PRRC1: variants seen among roughly 807,000 people sequenced by gnomAD.
PRRC1 encodes the protein protein PRRC1.
In PRRC1, 39 loss-of-function variants were observed where a neutral mutation model predicts 40.7. The observed-to-expected ratio is 0.96, with a 90% CI of 0.74 to 1.25. PRRC1 has a LOEUF of 1.25. Among genes scored for constraint, PRRC1 ranks in the 50% most tolerant of loss-of-function variants. The probability of loss-of-function intolerance (pLI) is 0.00; values close to 1 mark genes in which losing one functional copy is unlikely to be tolerated. For synonymous variants in PRRC1, 175 were observed against 193.3 expected (o/e 0.91, Z 0.79); for missense variants, 573 against 548.3 (o/e 1.05, Z -0.45).
intron 7 of PRRC1, among the ~76,000 whole-genome samples, chr5:127,547,491 T>G (rs961962287): frequency 3.3e-5 from 5 of 152,134 alleles, no homozygotes; most frequent in Admixed American, 2.6e-4. Flanking sequence ...ATAAGCTGTT[T>G]GCATATTCAA....
intron 1 of PRRC1, among the ~76,000 whole-genome samples, chr5:127,521,390 CT>C (rs141944740): frequency 0.05 from 7,547 of 152,254 alleles, 244 homozygotes; most frequent in Non-Finnish European, 0.073. Context: ...CCCCTGCTCT[CT>C]TTAAAATAGC....
intron 1 of PRRC1, among the ~76,000 whole-genome samples, chr5:127,521,157 C>T (rs1767448946): frequency 6.6e-6 from 1 of 152,138 alleles, no homozygotes; most frequent in African/African-American, 2.4e-5. Context: ...CTTTGTTCTT[C>T]ATTTTAAAGT....
rs775748496 is a variant in PRRC1, at chr5:127,551,967, T to C, written c.*51T>C. On this transcript the variant is annotated 3_prime_UTR_variant, in exon 9 of 9. Coordinates refer to ENST00000296666, the MANE Select transcript of PRRC1 (RefSeq NM_130809.5). Reference sequence around the variant, plus strand: ...ACTTTCCCCCACTTTTAGCTTGATGTTAAAGAAGTGGTTGTACCTTCCTAA... The same window carrying C: ...ACTTTCCCCCACTTTTAGCTTGATGCTAAAGAAGTGGTTGTACCTTCCTAA... The C allele has an allele frequency of 5.6e-6, 9 of 1,609,490 alleles. No homozygotes were observed. Among genetic ancestry groups the C allele is most frequent in the Non-Finnish European group, 8.5e-7 (1 of 1,177,444 alleles).
rs1436700737 is a variant in PRRC1 at position 127,552,893 on chromosome 5, T to C, written c.*977T>C. 7 of 957,600 alleles carry C rather than the reference T, an allele frequency of 7.3e-6. No homozygotes were observed. Among genetic ancestry groups the C allele is most frequent in the Non-Finnish European group, 8.7e-6 (7 of 804,658 alleles). 59.3% of individuals were successfully genotyped at this position (957,600 alleles called of 1,614,324 possible). A position where few individuals can be genotyped will look rare whatever the true frequency, so the allele number is the denominator to read the frequency against. On this transcript the variant is annotated 3_prime_UTR_variant, in exon 9 of 9. Coordinates refer to ENST00000296666, the MANE Select transcript of PRRC1 (RefSeq NM_130809.5). ...TTTTTTAACTTTGTGCCATTTGGTC[T>C]TTACTTTTTATGGATGTTTTCAAAG...
At chr5:127,545,120 T>G (rs984799118) in intron 7 of PRRC1, among the ~76,000 whole-genome samples, 1 of 151,898 alleles carries the variant, frequency 6.6e-6, no homozygotes, top group Non-Finnish European at 1.5e-5. Context: ...TGGCAATCAT[T>G]AAAAAGTCAG....
At chr5:127,527,718 A>C (rs1347472803) in intron 4 of PRRC1, among the ~76,000 whole-genome samples, 3 of 146,726 alleles carry the variant, frequency 2.0e-5, no homozygotes, top group Non-Finnish European at 4.5e-5. Flanking sequence ...TGATCATGAT[A>C]CTACATTCCA....
intron 4 of PRRC1, among the ~76,000 whole-genome samples, chr5:127,528,008 A>G (rs1420711679): frequency 6.6e-6 from 1 of 152,134 alleles, no homozygotes; most frequent in Non-Finnish European, 1.5e-5. Context: ...ATAATACCAC[A>G]TTTTAATTTG....
At position 127,552,243 on chromosome 5, in the gene PRRC1, G is replaced by C; in HGVS notation, c.*327G>C. ...ACATTTAACTTAATGCCATGTACTTGATTATTTTGTTCTTTAAAGAAGACA... is the reference window on the plus strand; with the variant it reads ...ACATTTAACTTAATGCCATGTACTTCATTATTTTGTTCTTTAAAGAAGACA... On this transcript the variant is annotated 3_prime_UTR_variant, in exon 9 of 9. Coordinates refer to ENST00000296666, the MANE Select transcript of PRRC1 (RefSeq NM_130809.5). The C allele has an allele frequency of 9.4e-7, 1 of 1,065,936 alleles. No individual in the cohort carries two copies. Among genetic ancestry groups the C allele is most frequent in the Non-Finnish European group, 1.1e-6 (1 of 878,992 alleles). The allele number at this position is 1,065,936 out of a possible 1,614,324, so 66.0% of individuals were successfully genotyped here. A position where few individuals can be genotyped will look rare whatever the true frequency, so the allele number is the denominator to read the frequency against.
intron 7 of PRRC1, among the ~76,000 whole-genome samples, chr5:127,545,114 A>G (rs953236382): frequency 2.6e-5 from 4 of 152,076 alleles, no homozygotes; most frequent in African/African-American, 7.2e-5. Flanking sequence ...TTAGAATGGC[A>G]ATCATTAAAA....
intron 4 of PRRC1, among the ~76,000 whole-genome samples, chr5:127,528,438 C>T (rs1405617663): frequency 6.6e-6 from 1 of 152,086 alleles, no homozygotes; most frequent in Non-Finnish European, 1.5e-5. Context: ...CCTCAGCCTC[C>T]CAAGTAGCTG....
intron 3 of PRRC1, among the ~76,000 whole-genome samples, chr5:127,525,701 T>G (rs1294112597): frequency 1.3e-5 from 2 of 152,182 alleles, no homozygotes; most frequent in Non-Finnish European, 2.9e-5. Context: ...CTATTTCACA[T>G]TTTTGCCATT....
At chr5:127,548,405 ATCCACACAGTT>A (rs1768284281) in intron 8 of PRRC1, 1 of 173,636 alleles carries the variant, frequency 5.8e-6, no homozygotes, top group African/African-American at 2.4e-5. Flanking sequence ...TAGTGTACCT[ATCCACACAGTT>A]TCCAGGAGAA....
At chr5:127,549,761 T>A (rs1330422421) in intron 8 of PRRC1, 2 of 152,218 alleles carry the variant, frequency 1.3e-5, no homozygotes, top group Non-Finnish European at 2.9e-5. Context: ...GTTTGCTTAC[T>A]TATTGTTTAT....
At chr5:127,540,616 T>G (rs1167759760) in intron 7 of PRRC1, among the ~76,000 whole-genome samples, 1 of 152,158 alleles carries the variant, frequency 6.6e-6, no homozygotes, top group African/African-American at 2.4e-5. Context: ...TAATTCACCT[T>G]TATTTTTGCT....
At position 127,552,845 on chromosome 5, in the gene PRRC1, A is replaced by G; in HGVS notation, c.*929A>G. 2.0e-6 allele frequency: 2 copies of G among 984,804 alleles called. No individual in the cohort carries two copies. The highest frequency in any genetic ancestry group is 2.4e-6 in the Non-Finnish European group (2 of 829,098). The allele number at this position is 984,804 out of a possible 1,614,324, so 61.0% of individuals were successfully genotyped here. A position where few individuals can be genotyped will look rare whatever the true frequency, so the allele number is the denominator to read the frequency against. ...TCTCTTACTTCAATTAAGGTTACTT[A>G]TTTGGTTTGCCTTAAGCATTACTTT... On this transcript the variant is annotated 3_prime_UTR_variant, in exon 9 of 9. Coordinates refer to ENST00000296666, the MANE Select transcript of PRRC1 (RefSeq NM_130809.5).
chr5:127,546,428 A>G (rs1768225078), intron 7 of PRRC1, among the ~76,000 whole-genome samples: 1 of 152,172 alleles, frequency 6.6e-6, no homozygotes, highest in Non-Finnish European at 1.5e-5. Flanking sequence ...TGGTTTGAAT[A>G]TATGGTGCTG....
rs1768459652 is a variant in PRRC1, at chr5:127,553,951, T to C, written c.*2035T>C. 1 of 1,522,958 alleles carries C rather than the reference T, an allele frequency of 6.6e-7. No individual in the cohort carries two copies. The highest frequency in any genetic ancestry group is 8.8e-7 in the Non-Finnish European group (1 of 1,137,018). The allele number at this position is 1,522,958 out of a possible 1,614,324, so 94.3% of individuals were successfully genotyped here. On this transcript the variant is annotated 3_prime_UTR_variant, in exon 9 of 9. Transcript: ENST00000296666. ...GAGATGGTCAGATGGAAGAGAGAAATACATGAACTGCTCTGGCCTCTCTGG... is the reference window on the plus strand; with the variant it reads ...GAGATGGTCAGATGGAAGAGAGAAACACATGAACTGCTCTGGCCTCTCTGG...
chr5:127,524,517 C>A lies in PRRC1; in HGVS notation c.104-14C>A. On this transcript the variant is annotated splice_polypyrimidine_tract_variant and intron_variant, in intron 2 of 8. Coordinates refer to ENST00000296666, the MANE Select transcript of PRRC1 (RefSeq NM_130809.5). ...TTCTAATTCTGTGCTTTTATCCTCT[C>A]CACTTTTTTCTAGCGGCAACCAGTT... is the stretch of plus-strand genomic sequence containing the variant. 6.3e-7 allele frequency: 1 copy of A among 1,585,632 alleles called. No individual in the cohort carries two copies. Among genetic ancestry groups the A allele is most frequent in the African/African-American group, 1.4e-5 (1 of 73,742 alleles).
At chr5:127,536,869 T>C (rs973914199) in intron 6 of PRRC1, among the ~76,000 whole-genome samples, 4 of 151,738 alleles carry the variant, frequency 2.6e-5, no homozygotes, top group Non-Finnish European at 5.9e-5. Context: ...CGGCTTTTTA[T>C]TTTTTTTCAG....
Sources: allele counts gnomAD v4.1 joint callset (sites outside exome capture counted in the v4.1 genomes callset), GRCh38; gene constraint gnomAD v4.1.1; transcripts MANE v1.5; gene names NCBI Gene and HGNC (gene_info 2026-07-23, HGNC 2026-07-21).